The following CAST variants were observed in gnomAD, a reference collection of about 807,000 sequenced individuals.
CAST encodes MIR583 host.
CAST carries 76 observed loss-of-function variants against 119.6 expected under a neutral mutation model. The observed-to-expected ratio is 0.64, with a 90% CI of 0.53 to 0.77. The LOEUF (loss-of-function observed/expected upper bound fraction) is 0.77, where lower values mean the gene tolerates loss of function less well. Among genes scored for constraint, CAST ranks in the 30% least tolerant of loss-of-function variants. CAST has a pLI of 0.00. For synonymous variants in CAST, 319 were observed against 331.6 expected (o/e 0.96, Z 0.41); for missense variants, 953 against 946.5 (o/e 1.01, Z -0.09).
At chr5:96,706,794 T>C (rs747362113) in intron 3 of CAST, among the ~76,000 whole-genome samples, 39 of 152,218 alleles carry the variant, frequency 2.6e-4, no homozygotes, top group Non-Finnish European at 4.7e-4. Flanking sequence ...AGAGTTCTGG[T>C]TAATTCTAGG....
At chr5:96,250,926 C>T in the CAST span, among the ~76,000 whole-genome samples, 2 of 151,802 alleles carry the variant, frequency 1.3e-5, no homozygotes, top group Non-Finnish European at 2.9e-5. Context: ...AAAGCTTGTT[C>T]GTTCAATTCA....
chr5:95,989,134 C>T, the CAST span, among the ~76,000 whole-genome samples: 1 of 152,064 alleles, frequency 6.6e-6, no homozygotes, highest in Non-Finnish European at 1.5e-5. Context: ...TTTGAGGTAC[C>T]CTGTGTTAAA....
the CAST span, among the ~76,000 whole-genome samples, chr5:96,291,840 C>CTG: frequency 1.2e-5 from 1 of 82,652 alleles, no homozygotes; most frequent in East Asian, 3.9e-4. Flanking sequence ...GATTCCCAGT[C>CTG]TGCGTGTGTG....
At chr5:96,636,820 A>C (rs1454881619) in intron 1 of CAST, among the ~76,000 whole-genome samples, 2 of 152,114 alleles carry the variant, frequency 1.3e-5, no homozygotes, top group African/African-American at 4.8e-5. Flanking sequence ...AAGTGTGGGA[A>C]GGATGACAAG....
At chr5:95,981,634 G>A in the CAST span, among the ~76,000 whole-genome samples, 3 of 152,150 alleles carry the variant, frequency 2.0e-5, no homozygotes, top group African/African-American at 7.2e-5. Context: ...CCAGCACTTT[G>A]GCAGGCCGAG....
intron 3 of CAST, among the ~76,000 whole-genome samples, chr5:96,715,541 C>T (rs1193055521): frequency 2.0e-5 from 3 of 152,154 alleles, no homozygotes; most frequent in African/African-American, 4.8e-5. Flanking sequence ...TCACTTTTCT[C>T]ATTGATAAAA....
chr5:96,174,753 T>C, the CAST span, among the ~76,000 whole-genome samples: 1 of 152,252 alleles, frequency 6.6e-6, no homozygotes, highest in Non-Finnish European at 1.5e-5. Flanking sequence ...AAATGTGTTT[T>C]TATAGTAGTG....
At chr5:96,562,434 A>G (rs1314588657) in intron 1 of CAST, among the ~76,000 whole-genome samples, 1 of 152,196 alleles carries the variant, frequency 6.6e-6, no homozygotes, top group Non-Finnish European at 1.5e-5. Flanking sequence ...TGAAATACAC[A>G]TCTTTGCCTC....
the CAST span, among the ~76,000 whole-genome samples, chr5:96,218,947 G>T: frequency 6.6e-6 from 1 of 152,082 alleles, no homozygotes; most frequent in Non-Finnish European, 1.5e-5. Context: ...GTTACTTAAG[G>T]TCACTAAATC....
chr5:96,411,158 G>C, the CAST span, among the ~76,000 whole-genome samples: 8 of 152,200 alleles, frequency 5.3e-5, no homozygotes. Context: ...ACAAGGCTGT[G>C]TATTATAAGC....
chr5:96,742,703 A>T lies in CAST; in HGVS notation c.1147A>T (p.Thr383Ser), dbSNP rs984767594. 21 of 1,613,966 alleles carry T rather than the reference A, an allele frequency of 1.3e-5. No homozygotes were observed. Among genetic ancestry groups the T allele is most frequent in the Middle Eastern group, 1.6e-4 (1 of 6,084 alleles). ...ALEALSASLG[T>S]RQAEPELDLR... The stretch of plus-strand genomic sequence containing the variant: ...CGAGGCTCTGTCGGCTTCACTGGGC[A>T]CCCGGCAAGCAGAACCTGAGCTCGA... The change falls in exon 16 of 32, where the codon ACC (threonine) becomes TCC (serine). Residue 383 changes from threonine to serine, a missense_variant. Physicochemically the swap from Thr to Ser is moderately conservative, Grantham distance 58. Coordinates refer to ENST00000675179, the MANE Select transcript of CAST (RefSeq NM_001750.7).
the CAST span, among the ~76,000 whole-genome samples, chr5:96,113,925 A>C: frequency 6.6e-6 from 1 of 152,348 alleles, no homozygotes; most frequent in South Asian, 2.1e-4. Context: ...GCATTATATC[A>C]CAAAAGAAAG....
the CAST span, among the ~76,000 whole-genome samples, chr5:96,500,697 T>A: frequency 1.3e-5 from 2 of 152,210 alleles, no homozygotes; most frequent in African/African-American, 4.8e-5. Context: ...TTTCTAAGAA[T>A]CTCCCAGTGA....
the CAST span, among the ~76,000 whole-genome samples, chr5:96,086,239 A>T: frequency 9.3e-4 from 141 of 152,276 alleles, no homozygotes; most frequent in African/African-American, 3.2e-3. Flanking sequence ...TAGTTGGATG[A>T]ATCCCAGGAT....
In CAST at chr5:96,619,584, T is replaced by C. The variant is rs139289064; in HGVS notation, c.61-55955T>C. Among the ~76,000 whole-genome samples the C allele has an allele frequency of 3.9e-5, 6 of 152,354 alleles. No individual in the cohort carries two copies. The East Asian group carries it at 1.2e-3, about 29-fold the overall frequency. On this transcript the variant is annotated intron_variant, in intron 1 of 11. Transcript: ENST00000505143. ...TGCAATAAATCTTGCTGTTCCTCAC[T>C]GTTTGGGTCTGCGCTTCCTTTATGA...
the CAST span, among the ~76,000 whole-genome samples, chr5:96,026,999 C>G: frequency 6.6e-6 from 1 of 151,896 alleles, no homozygotes; most frequent in South Asian, 2.1e-4. Flanking sequence ...TTGCTTGAGG[C>G]CAAGAGTTTG....
intron 1 of CAST, among the ~76,000 whole-genome samples, chr5:96,588,732 A>G (rs895920911): frequency 6.6e-6 from 1 of 152,202 alleles, no homozygotes; most frequent in Non-Finnish European, 1.5e-5. Context: ...CACACCATGT[A>G]CTACAATTTA....
At chr5:96,549,811 G>A (rs996880955) in intron 1 of CAST, among the ~76,000 whole-genome samples, 4 of 152,184 alleles carry the variant, frequency 2.6e-5, no homozygotes, top group African/African-American at 9.7e-5. Flanking sequence ...GTCTGAAATC[G>A]ACCTGGGACG....
At chr5:96,496,853 T>C in the CAST span, among the ~76,000 whole-genome samples, 1 of 151,986 alleles carries the variant, frequency 6.6e-6, no homozygotes, top group Non-Finnish European at 1.5e-5. Flanking sequence ...TTTAGGGGTG[T>C]TAGTGCTGTA....
Sources: gnomAD v4.1 joint callset for allele counts (sites outside exome capture counted in the v4.1 genomes callset) on GRCh38, gnomAD v4.1.1 for gene constraint, MANE v1.5 for transcripts, NCBI Gene and HGNC (gene_info 2026-07-23, HGNC 2026-07-21) for gene names.